PRKCE: variants seen among roughly 807,000 people sequenced by gnomAD.
The protein encoded by PRKCE is protein kinase C epsilon type.
A neutral mutation model predicts 85.4 loss-of-function variants in PRKCE; 16 were observed. The observed-to-expected ratio is 0.19, with a 90% CI of 0.13 to 0.28. The LOEUF is 0.28. Ranked by LOEUF, PRKCE falls within the 10% of genes least tolerant of loss-of-function variation. PRKCE has a pLI of 1.00. For missense variants in PRKCE, 573 were observed against 975.2 expected (o/e 0.59, Z 5.49); for synonymous variants, 388 against 371.5 (o/e 1.04, Z -0.51).
chr2:45,805,655 G>A (rs1192605992), intron 1 of PRKCE, among the ~76,000 whole-genome samples: 1 of 150,656 alleles, frequency 6.6e-6, no homozygotes, highest in Admixed American at 6.6e-5. Flanking sequence ...GGAGTGCAGT[G>A]GTGTGGTCTT....
chr2:45,983,117 C>G (rs2104582348), intron 5 of PRKCE, among the ~76,000 whole-genome samples: 1 of 152,290 alleles, frequency 6.6e-6, no homozygotes, highest in Non-Finnish European at 1.5e-5. Flanking sequence ...CATTCTTGTT[C>G]CCAGGCAAGA....
At position 46,097,519 on chromosome 2, in the gene PRKCE, CAAA is replaced by C. The variant is rs66634467; in HGVS notation, c.1592+11173_1592+11175del. Among the ~76,000 whole-genome samples, 166 of 94,112 alleles carry C rather than the reference CAAA, an allele frequency of 1.8e-3. 1 individual carries two copies. The highest frequency in any genetic ancestry group is 6.5e-3 in the African/African-American group (145 of 22,308). 61.7% of individuals were successfully genotyped at this position (94,112 alleles called of 152,430 possible). The stretch of plus-strand genomic sequence containing the variant: ...TGGGAGACAGAGCGAGACTCCGTCT[CAAA>C]AAAAAAAAAAAAAAAGCTGTGAAGT... On this transcript the variant is annotated intron_variant, in intron 11 of 14. Coordinates refer to ENST00000306156, the MANE Select transcript of PRKCE (RefSeq NM_005400.3).
At chr2:46,108,603 A>G (rs912618044) in intron 11 of PRKCE, among the ~76,000 whole-genome samples, 12 of 152,232 alleles carry the variant, frequency 7.9e-5, no homozygotes, top group African/African-American at 1.4e-4. Flanking sequence ...CATCACCACA[A>G]TGCAGTATAT....
At chr2:45,678,012 C>T (rs570680775) in intron 1 of PRKCE, 2 of 557,694 alleles carry the variant, frequency 3.6e-6, no homozygotes, top group South Asian at 1.6e-4. Flanking sequence ...CCTTTTAGAA[C>T]CCAATCGAAG....
At chr2:45,799,633 A>ATAT (rs1687702868) in intron 1 of PRKCE, among the ~76,000 whole-genome samples, 1 of 152,238 alleles carries the variant, frequency 6.6e-6, no homozygotes, top group Non-Finnish European at 1.5e-5. Context: ...TGTCTTCCAA[A>ATAT]TATTCAAAAT....
intron 2 of PRKCE, among the ~76,000 whole-genome samples, chr2:45,956,698 A>G (rs2104383000): frequency 6.6e-6 from 1 of 152,258 alleles, no homozygotes; most frequent in East Asian, 1.9e-4. Context: ...CAAAGAAAAA[A>G]AAGAACCTGC....
At position 46,151,148 on chromosome 2, in the gene PRKCE, C is replaced by T. The variant is rs756085464; in HGVS notation, c.1839C>T (p.Asp613=). The T allele has an allele frequency of 1.2e-5, 19 of 1,599,440 alleles. No homozygotes were observed. Among genetic ancestry groups the T allele is most frequent in the Middle Eastern group, 1.6e-4 (1 of 6,082 alleles). Residue 613 remains aspartate, a synonymous_variant, in exon 13 of 15, where the codon GAC becomes GAT. Coordinates refer to ENST00000306156, the MANE Select transcript of PRKCE (RefSeq NM_005400.3). ...GQPPFEADNE[D]DLFESILHDD... ...CTCCCTTTGAGGCCGACAATGAGGA[C>T]GACCTATTTGAGTCCATCCTCCATG...
At chr2:45,911,817 A>G (rs1476877206) in intron 2 of PRKCE, among the ~76,000 whole-genome samples, 3 of 152,208 alleles carry the variant, frequency 2.0e-5, no homozygotes, top group Non-Finnish European at 4.4e-5. Flanking sequence ...TTTTTTGATA[A>G]GGGCAGATAA....
chr2:45,916,058 A>C (rs1382584541), intron 2 of PRKCE, among the ~76,000 whole-genome samples: 1 of 152,094 alleles, frequency 6.6e-6, no homozygotes, highest in Non-Finnish European at 1.5e-5. Context: ...CTAGGGCTCA[A>C]GAGAGAGATG....
At chr2:46,003,982 C>G (rs909753110) in intron 7 of PRKCE, 2 of 156,524 alleles carry the variant, frequency 1.3e-5, no homozygotes, top group African/African-American at 4.8e-5. Context: ...CTTGCATTTG[C>G]CCTTCTCTTT....
At chr2:45,770,069 C>T (rs868164818) in intron 1 of PRKCE, among the ~76,000 whole-genome samples, 5 of 152,190 alleles carry the variant, frequency 3.3e-5, no homozygotes, top group South Asian at 2.1e-4. Context: ...GGCTGTGAAA[C>T]GCTCTCCTTC....
At chr2:45,706,275 A>T (rs1294662753) in intron 1 of PRKCE, among the ~76,000 whole-genome samples, 1 of 152,230 alleles carries the variant, frequency 6.6e-6, no homozygotes. Flanking sequence ...AATATTACAC[A>T]GGATTGCCTT....
chr2:46,019,311 T>C (rs1054859344), intron 10 of PRKCE, among the ~76,000 whole-genome samples: 2 of 152,138 alleles, frequency 1.3e-5, no homozygotes, highest in African/African-American at 4.8e-5. Flanking sequence ...ATCGGGAGAA[T>C]TGGCGTGTCT....
chr2:45,975,209 T>C (rs548074645), intron 2 of PRKCE, among the ~76,000 whole-genome samples: 1 of 152,316 alleles, frequency 6.6e-6, no homozygotes, highest in Admixed American at 6.5e-5. Flanking sequence ...CGAGGGTTCA[T>C]TGAGATGTAT....
At chr2:45,991,014 C>T (rs1202433358) in intron 6 of PRKCE, among the ~76,000 whole-genome samples, 1 of 140,984 alleles carries the variant, frequency 7.1e-6, no homozygotes, top group African/African-American at 2.6e-5. Flanking sequence ...TTTCTTTCTT[C>T]TTTTTTTTTT....
chr2:46,097,283 C>T (rs1373968446), intron 11 of PRKCE, among the ~76,000 whole-genome samples: 1 of 152,036 alleles, frequency 6.6e-6, no homozygotes, highest in Non-Finnish European at 1.5e-5. Flanking sequence ...CTTTGGGAGG[C>T]CGAGGTGGGT....
At chr2:46,124,342 A>G (rs1673640870) in intron 11 of PRKCE, among the ~76,000 whole-genome samples, 1 of 152,130 alleles carries the variant, frequency 6.6e-6, no homozygotes, top group South Asian at 2.1e-4. Context: ...AAAGAAAGAG[A>G]GATACTAGTG....
intron 2 of PRKCE, among the ~76,000 whole-genome samples, chr2:45,966,213 G>C (rs1018564246): frequency 1.3e-5 from 2 of 152,168 alleles, no homozygotes; most frequent in Non-Finnish European, 2.9e-5. Context: ...AAGTATGTAA[G>C]ATGCTTACAT....
chr2:45,839,884 G>C (rs1478128486), intron 1 of PRKCE, among the ~76,000 whole-genome samples: 1 of 152,222 alleles, frequency 6.6e-6, no homozygotes, highest in African/African-American at 2.4e-5. Context: ...ATGTTTAATA[G>C]CTTAATTTCT....
Sources: allele counts gnomAD v4.1 joint callset (sites outside exome capture counted in the v4.1 genomes callset), GRCh38; gene constraint gnomAD v4.1.1; transcripts MANE v1.5; gene names NCBI Gene and HGNC (gene_info 2026-07-23, HGNC 2026-07-21).